Variants in KLRG1 observed in about 807,000 individuals in gnomAD.
The protein encoded by KLRG1 is killer cell lectin like receptor G1, also known as killer cell lectin-like receptor subfamily G member 1.
KLRG1 carries 16 observed loss-of-function variants against 21.8 expected under a neutral mutation model. That is an observed-to-expected ratio of 0.73 (90% CI 0.50 to 1.11). The LOEUF (loss-of-function observed/expected upper bound fraction) is 1.11, where lower values mean the gene tolerates loss of function less well. KLRG1 is among the 50% of genes most tolerant of loss of function. The probability of loss-of-function intolerance (pLI) is 0.00; values close to 1 mark genes in which losing one functional copy is unlikely to be tolerated. For missense variants in KLRG1, 173 were observed against 218.3 expected, an observed-to-expected ratio of 0.79 and a Z score of 1.31; for synonymous variants, 69 against 75.9, an observed-to-expected ratio of 0.91 and a Z score of 0.47.
the KLRG1 span, among the ~76,000 whole-genome samples, chr12:9,139,783 G>GA: frequency 6.6e-6 from 1 of 152,164 alleles, no homozygotes; most frequent in South Asian, 2.1e-4. Flanking sequence ...AAAGAAACAT[G>GA]AAAAATGGCT....
At chr12:8,957,884 A>G (rs1426060904) in intron 1 of KLRG1, among the ~76,000 whole-genome samples, 4 of 152,196 alleles carry the variant, frequency 2.6e-5, no homozygotes, top group Non-Finnish European at 5.9e-5. Flanking sequence ...GGAATTTTTC[A>G]TCTGATATTT....
the KLRG1 span, among the ~76,000 whole-genome samples, chr12:9,144,098 T>G: frequency 2.0e-5 from 3 of 152,080 alleles, no homozygotes; most frequent in Admixed American, 2.0e-4. Flanking sequence ...TTGGCTGGAT[T>G]AGTGTCCAAT....
intron 1 of KLRG1, among the ~76,000 whole-genome samples, chr12:8,955,656 T>G (rs1946279865): frequency 6.6e-6 from 1 of 152,008 alleles, no homozygotes; most frequent in Non-Finnish European, 1.5e-5. Context: ...CCTCCCGAAG[T>G]GCTGAGATTA....
the KLRG1 span, chr12:9,077,854 G>A: frequency 1.9e-6 from 3 of 1,614,118 alleles, no homozygotes; most frequent in Non-Finnish European, 8.5e-7. Context: ...CAAAGGCTGT[G>A]AGCCTGACCA....
chr12:9,158,321 C>T, the KLRG1 span: 1 of 1,488,468 alleles, frequency 6.7e-7, no homozygotes, highest in Non-Finnish European at 9.2e-7. Flanking sequence ...TCATCCAGGA[C>T]TTCATCTTTG....
At chr12:9,163,635 T>C in the KLRG1 span, 1 of 1,608,892 alleles carries the variant, frequency 6.2e-7, no homozygotes, top group Non-Finnish European at 8.5e-7. Flanking sequence ...GTTGCATTCT[T>C]ACAGTTGTTA....
the KLRG1 span, among the ~76,000 whole-genome samples, chr12:9,168,146 G>A: frequency 2.6e-5 from 4 of 152,262 alleles, no homozygotes; most frequent in Admixed American, 6.5e-5. Flanking sequence ...CTTATTGGGC[G>A]TTTTGCAAGG....
intron 3 of KLRG1, among the ~76,000 whole-genome samples, chr12:9,007,341 A>C (rs1231745819): frequency 6.6e-6 from 1 of 152,108 alleles, no homozygotes; most frequent in Non-Finnish European, 1.5e-5. Flanking sequence ...GCTCACTGCA[A>C]TCTCTGCCTC....
the KLRG1 span, chr12:9,079,149 A>G: frequency 1.1e-6 from 1 of 944,348 alleles, no homozygotes; most frequent in Non-Finnish European, 1.6e-6. Flanking sequence ...GTCTGATAAT[A>G]CATATCTGAT....
chr12:9,168,984 A>T, the KLRG1 span: 3 of 1,591,888 alleles, frequency 1.9e-6, no homozygotes, highest in Non-Finnish European at 2.6e-6. Context: ...CCTGGAAAAA[A>T]ATAATTGTTC....
At chr12:9,060,388 G>T in the KLRG1 span, among the ~76,000 whole-genome samples, 1 of 152,092 alleles carries the variant, frequency 6.6e-6, no homozygotes, top group African/African-American at 2.4e-5. Context: ...TTCAACTGCT[G>T]GGAATAAATA....
At chr12:9,191,707 T>C in the KLRG1 span, among the ~76,000 whole-genome samples, 3 of 152,110 alleles carry the variant, frequency 2.0e-5, no homozygotes, top group Non-Finnish European at 4.4e-5. Flanking sequence ...TGACTTAGAA[T>C]AGAAAACGAT....
chr12:8,966,537 C>T (rs1457775464), intron 1 of KLRG1, among the ~76,000 whole-genome samples: 2 of 152,138 alleles, frequency 1.3e-5, no homozygotes, highest in Non-Finnish European at 2.9e-5. Flanking sequence ...TATGAACAGA[C>T]ACTTCTCAAA....
At chr12:9,027,918 G>T in the KLRG1 span, 1 of 880,314 alleles carries the variant, frequency 1.1e-6, no homozygotes, top group Non-Finnish European at 1.9e-6. Flanking sequence ...TCTTTGGCTA[G>T]ATGAAGCGCT....
chr12:8,986,908 C>CG (rs890379294), upstream of KLRG1, among the ~76,000 whole-genome samples: 2 of 152,132 alleles, frequency 1.3e-5, no homozygotes, highest in Non-Finnish European at 2.9e-5. Context: ...AACACCTCCC[C>CG]GCGTCTCTCT....
At chr12:9,033,077 C>T in the KLRG1 span, among the ~76,000 whole-genome samples, 6 of 152,114 alleles carry the variant, frequency 3.9e-5, no homozygotes, top group African/African-American at 1.4e-4. Flanking sequence ...GTGCAGAGGG[C>T]AGGAAGAAAC....
At chr12:8,963,994 A>G (rs1007368765) in intron 1 of KLRG1, among the ~76,000 whole-genome samples, 1 of 152,000 alleles carries the variant, frequency 6.6e-6, no homozygotes, top group African/African-American at 2.4e-5. Context: ...CAGCTCCTGG[A>G]TTCATTAATT....
At chr12:9,022,493 T>G in the KLRG1 span, among the ~76,000 whole-genome samples, 8 of 152,292 alleles carry the variant, frequency 5.3e-5, no homozygotes, top group African/African-American at 1.7e-4. Flanking sequence ...ACATATAGCT[T>G]CTAAAATCCT....
At chr12:9,030,526 C>A in the KLRG1 span, among the ~76,000 whole-genome samples, 4 of 152,244 alleles carry the variant, frequency 2.6e-5, no homozygotes, top group East Asian at 7.7e-4. Flanking sequence ...CCTGCCTCAG[C>A]CTCCCAAGTA....
Sources: allele counts gnomAD v4.1 joint callset (sites outside exome capture counted in the v4.1 genomes callset), GRCh38; gene constraint gnomAD v4.1.1; transcripts MANE v1.5; gene names NCBI Gene and HGNC (gene_info 2026-07-23, HGNC 2026-07-21).